Variants in MON2 observed in about 807,000 individuals in gnomAD.
MON2 encodes the protein protein MON2 homolog.
A neutral mutation model predicts 208.6 loss-of-function variants in MON2; 84 were observed. The ratio of observed to expected loss-of-function variants is 0.40; its 90% CI spans 0.34 to 0.48. The LOEUF (loss-of-function observed/expected upper bound fraction) is 0.48, where lower values mean the gene tolerates loss of function less well. Among genes scored for constraint, MON2 ranks in the 20% least tolerant of loss-of-function variants. The probability of loss-of-function intolerance (pLI) is 0.59; values close to 1 mark genes in which losing one functional copy is unlikely to be tolerated. For missense variants in MON2, 1,611 were observed against 2,015.4 expected, an observed-to-expected ratio of 0.80 and a Z score of 3.84; for synonymous variants, 660 against 694.0, an observed-to-expected ratio of 0.95 and a Z score of 0.77.
At chr12:62,543,284 C>A (rs2073321832) in intron 20 of MON2, 86 bp downstream of exon 20, 1 of 664,330 alleles carries the variant, frequency 1.5e-6, no homozygotes. Context: ...TTTGAAAAAT[C>A]AGCATTAACT....
At chr12:62,467,401 C>G in intron 1 of MON2, 83 bp downstream of exon 1, 1 of 1,151,768 alleles carries the variant, frequency 8.7e-7, no homozygotes, top group East Asian at 2.4e-5. Context: ...AGTTTCCAGT[C>G]CTAATTTTCA....
At position 62,498,993 on chromosome 12, in the gene MON2, A is replaced by G. The variant is rs964036195; in HGVS notation, c.510A>G (p.Arg170=). 9 of 1,613,334 alleles carry G rather than the reference A, an allele frequency of 5.6e-6. No homozygotes were observed. The highest frequency in any genetic ancestry group is 5.1e-6 in the Non-Finnish European group (6 of 1,179,754). The stretch of plus-strand genomic sequence containing the variant: ...ATAATACAGCTGCTGCTACAGTGCG[A>G]CAAGTTGTTACTGTTGTTTTTGAGA... ...ITNNTAAATV[R]QVVTVVFERM... The change falls in exon 5 of 35, where the codon CGA becomes CGG. Residue 170 remains arginine, a synonymous_variant. Transcript: ENST00000393630.
At chr12:62,570,595 A>G (rs1030356212) in intron 29 of MON2, among the ~76,000 whole-genome samples, 17 of 152,060 alleles carry the variant, frequency 1.1e-4, no homozygotes, top group Non-Finnish European at 2.9e-5. Context: ...CTTCACACCT[A>G]TGCTATATGG....
chr12:62,551,933 T>C (rs1437255611), intron 23 of MON2, among the ~76,000 whole-genome samples: 1 of 152,226 alleles, frequency 6.6e-6, no homozygotes, highest in Non-Finnish European at 1.5e-5. Context: ...TTGTGGCTTC[T>C]GCATCTGTAG....
chr12:62,595,590 T>C lies in MON2; in HGVS notation c.*2841T>C, dbSNP rs1037969891. On this transcript the variant is annotated 3_prime_UTR_variant, in exon 35 of 35. Transcript: ENST00000393630. ...GCCATTTTGTCCATTATAAAGGAAA[T>C]AAACTAATTGTTAACTTGCATAGAT... 4.6e-5 allele frequency: 7 copies of C among 152,240 alleles called. No individual in the cohort carries two copies. Among genetic ancestry groups the C allele is most frequent in the African/African-American group, 1.7e-4 (7 of 41,458 alleles). 9.4% of individuals were successfully genotyped at this position (152,240 alleles called of 1,614,324 possible). A position where few individuals can be genotyped will look rare whatever the true frequency, so the allele number is the denominator to read the frequency against.
intron 19 of MON2, among the ~76,000 whole-genome samples, chr12:62,539,306 C>T (rs866395189): frequency 3.3e-5 from 5 of 149,276 alleles, no homozygotes; most frequent in South Asian, 2.1e-4. Context: ...CTCGCCTTGT[C>T]GCCCAGGCTA....
At chr12:62,576,992 CTAA>C (rs993011168) in intron 30 of MON2, among the ~76,000 whole-genome samples, 16 of 151,714 alleles carry the variant, frequency 1.1e-4, no homozygotes, top group African/African-American at 3.6e-4. Context: ...AATATACACA[CTAA>C]TAATATTAAT....
rs2069163496 is a variant in MON2, at chr12:62,477,605, C to T, written c.112-6565C>T. Among the ~76,000 whole-genome samples the T allele has an allele frequency of 5.5e-5, 4 of 72,808 alleles. 1 individual carries two copies. In the South Asian group the frequency reaches 1.2e-3, roughly 21 times the overall value. 47.8% of individuals were successfully genotyped at this position (72,808 alleles called of 152,430 possible). On this transcript the variant is annotated intron_variant, in intron 1 of 34. Transcript: ENST00000393630. ...AATTTTTTTTTTTTTTTTTTAGAGA[C>T]AGCATCTGCCTATGTTGCCCAGGCG... is the stretch of plus-strand genomic sequence containing the variant.
chr12:62,578,377 T>G (rs2074869771), intron 30 of MON2, 68 bp from the exon 31 acceptor site: 1 of 1,046,056 alleles, frequency 9.6e-7, no homozygotes, highest in Non-Finnish European at 1.4e-6. Context: ...TTGAATACTG[T>G]TTTTCTATTT....
At chr12:62,537,920 C>T (rs904378084) in intron 16 of MON2, among the ~76,000 whole-genome samples, 176 bp from the exon 17 acceptor site, 2 of 151,994 alleles carry the variant, frequency 1.3e-5, no homozygotes, top group South Asian at 2.1e-4. Context: ...TGCATATGTT[C>T]GATATCATTA....
At position 62,592,851 on chromosome 12, in the gene MON2, G is replaced by A. The variant is rs1388279564; in HGVS notation, c.*102G>A. The A allele has an allele frequency of 1.6e-6, 2 of 1,235,786 alleles. No individual in the cohort carries two copies. Among genetic ancestry groups the A allele is most frequent in the African/African-American group, 1.5e-5 (1 of 66,872 alleles). The allele number at this position is 1,235,786 out of a possible 1,614,324, so 76.6% of individuals were successfully genotyped here. On this transcript the variant is annotated 3_prime_UTR_variant, in exon 35 of 35. Transcript: ENST00000393630. The stretch of plus-strand genomic sequence containing the variant: ...CATTTCTTACTGCAGATAATTCTTG[G>A]CAGCTGTTGTTGGCCTCCTTTAAAT...
chr12:62,547,122 TAAATA>T (rs200361975), intron 22 of MON2, 50 bp downstream of exon 22: 14,338 of 1,178,108 alleles, frequency 0.012, 141 homozygotes, highest in Non-Finnish European at 0.014. Flanking sequence ...AAATAAAATA[TAAATA>T]AAATAAAATT....
intron 11 of MON2, among the ~76,000 whole-genome samples, chr12:62,530,577 C>T (rs1178156799): frequency 6.6e-6 from 1 of 152,148 alleles, no homozygotes; most frequent in Non-Finnish European, 1.5e-5. Context: ...TGTGTTCATA[C>T]TTTATTCCTT....
intron 8 of MON2, among the ~76,000 whole-genome samples, chr12:62,510,665 C>T (rs926084564): frequency 3.2e-4 from 48 of 152,140 alleles, no homozygotes; most frequent in African/African-American, 9.7e-4. Flanking sequence ...TATGAAGAGA[C>T]AATAACTAAT....
At chr12:62,489,988 T>C (rs1398831584) in intron 2 of MON2, 10 of 1,131,210 alleles carry the variant, frequency 8.8e-6, no homozygotes, top group South Asian at 1.5e-5. Context: ...ATTACACCTG[T>C]TAATATGATT....
chr12:62,488,938 A>T (rs1236136819), intron 2 of MON2, among the ~76,000 whole-genome samples: 1 of 152,142 alleles, frequency 6.6e-6, no homozygotes, highest in Admixed American at 6.5e-5. Context: ...ACCATGGCAT[A>T]TGTATACCTG....
At chr12:62,511,101 G>A (rs1006991054) in intron 8 of MON2, among the ~76,000 whole-genome samples, 1 of 152,084 alleles carries the variant, frequency 6.6e-6, no homozygotes, top group Non-Finnish European at 1.5e-5. Flanking sequence ...ATTATTGAAA[G>A]AAATTTAAGA....
chr12:62,571,732 C>T, intron 30 of MON2, 150 bp downstream of exon 30: 1 of 654,028 alleles, frequency 1.5e-6, no homozygotes, highest in Non-Finnish European at 2.4e-6. Context: ...AGCCATTTAT[C>T]CATTGGGTAC....
In MON2 at chr12:62,571,585, C is replaced by T; in HGVS notation, c.4514+3C>T. 1.3e-6 allele frequency: 2 copies of T among 1,592,428 alleles called. No individual in the cohort carries two copies. The highest frequency in any genetic ancestry group is 1.7e-6 in the Non-Finnish European group (2 of 1,169,894). ...GAAGATTTTCTCTTTACTAAAAGGT[C>T]AGCTCATTCATTTTTAAAATTAAGA... On this transcript the variant is annotated splice_donor_region_variant and intron_variant, in intron 30 of 34. Transcript: ENST00000393630.
Sources: gnomAD v4.1 joint callset for allele counts (sites outside exome capture counted in the v4.1 genomes callset) on GRCh38, gnomAD v4.1.1 for gene constraint, MANE v1.5 for transcripts, NCBI Gene and HGNC (gene_info 2026-07-23, HGNC 2026-07-21) for gene names.